GPHN: variants seen among roughly 807,000 people sequenced by gnomAD.
GPHN encodes gephyrin.
Under a neutral mutation model 95.5 loss-of-function variants are expected in GPHN, and 17 were observed. The observed-to-expected ratio is 0.18, with a 90% CI of 0.12 to 0.27. The LOEUF (loss-of-function observed/expected upper bound fraction) is 0.27. Among genes scored for constraint, GPHN ranks in the 10% least tolerant of loss-of-function variants. The pLI is 1.00. For missense variants in GPHN, 660 were observed against 978.1 expected (o/e 0.67, Z 4.34); for synonymous variants, 320 against 322.5 (o/e 0.99, Z 0.08).
At chr14:67,555,681 C>G in the GPHN span, 2 of 1,200,318 alleles carry the variant, frequency 1.7e-6, no homozygotes, top group Non-Finnish European at 2.3e-6. Context: ...AAAATCCTTA[C>G]CCTGACACTC....
the GPHN span, among the ~76,000 whole-genome samples, chr14:67,664,449 A>G: frequency 1.3e-5 from 2 of 151,984 alleles, no homozygotes; most frequent in East Asian, 1.9e-4. Context: ...GTATTTTTCA[A>G]TGTGACTCCT....
At chr14:66,847,976 A>G (rs1441745694) in intron 4 of GPHN, among the ~76,000 whole-genome samples, 3 of 152,078 alleles carry the variant, frequency 2.0e-5, no homozygotes, top group African/African-American at 7.2e-5. Context: ...CCCCAGAAAG[A>G]CTGTTTGGTG....
the GPHN span, chr14:67,254,182 C>CTTTTTTT: frequency 1.0e-4 from 12 of 118,488 alleles, no homozygotes; most frequent in Non-Finnish European, 1.7e-4. Flanking sequence ...AAGTGTCTTT[C>CTTTTTTT]TTTTTTTTTT....
At chr14:66,564,702 A>C (rs552875312) in intron 1 of GPHN, among the ~76,000 whole-genome samples, 1 of 152,262 alleles carries the variant, frequency 6.6e-6, no homozygotes, top group African/African-American at 2.4e-5. Flanking sequence ...CAAAAATATC[A>C]GTGGTTCCAG....
At chr14:67,301,322 C>A in the GPHN span, 1 of 855,960 alleles carries the variant, frequency 1.2e-6, no homozygotes. Flanking sequence ...AAAATATGAC[C>A]CTGCATACAG....
intron 10 of GPHN, among the ~76,000 whole-genome samples, chr14:67,042,250 A>G (rs1403656834): frequency 6.6e-6 from 1 of 151,908 alleles, no homozygotes; most frequent in Non-Finnish European, 1.5e-5. Flanking sequence ...CCATTTGTCA[A>G]TTTTGGCTTT....
At chr14:67,173,184 A>T (rs547802860) in intron 21 of GPHN, among the ~76,000 whole-genome samples, 20 of 152,192 alleles carry the variant, frequency 1.3e-4, no homozygotes, top group Non-Finnish European at 2.9e-5. Flanking sequence ...CAATGGGTTC[A>T]CAAGACCCTT....
the GPHN span, among the ~76,000 whole-genome samples, chr14:67,524,835 G>A: frequency 6.6e-6 from 1 of 152,172 alleles, no homozygotes; most frequent in Admixed American, 6.5e-5. Context: ...CCTCTGATCT[G>A]AACAGTGATC....
chr14:66,632,820 A>G (rs1049841504), intron 1 of GPHN, among the ~76,000 whole-genome samples: 1 of 152,160 alleles, frequency 6.6e-6, no homozygotes, highest in African/African-American at 2.4e-5. Context: ...TATTCCAGTC[A>G]GATGACTTTT....
the GPHN span, chr14:67,336,784 C>G: frequency 2.2e-6 from 1 of 455,782 alleles, no homozygotes; most frequent in Non-Finnish European, 4.4e-6. Flanking sequence ...TTTTAAAGTA[C>G]TTGTGAACTG....
chr14:67,142,572 A>T (rs994846758), intron 17 of GPHN, among the ~76,000 whole-genome samples: 1 of 152,206 alleles, frequency 6.6e-6, no homozygotes. Flanking sequence ...ATCCTATATG[A>T]GTAGTTCATA....
the GPHN span, among the ~76,000 whole-genome samples, chr14:67,450,662 C>T: frequency 6.6e-6 from 1 of 152,158 alleles, no homozygotes; most frequent in Non-Finnish European, 1.5e-5. Flanking sequence ...GAAGAAACTT[C>T]TAAGTAGCAA....
chr14:67,660,794 G>C, the GPHN span, among the ~76,000 whole-genome samples: 18 of 152,188 alleles, frequency 1.2e-4, no homozygotes, highest in Non-Finnish European at 4.4e-5. Flanking sequence ...TGAGTTTGGA[G>C]AAAACAAGTA....
intron 8 of GPHN, among the ~76,000 whole-genome samples, chr14:66,929,433 G>C (rs1419498420): frequency 6.6e-6 from 1 of 152,062 alleles, no homozygotes; most frequent in African/African-American, 2.4e-5. Context: ...GCATATTAGG[G>C]TCTGTCTCTC....
chr14:66,836,710 T>C (rs2061835916), intron 4 of GPHN, among the ~76,000 whole-genome samples: 1 of 149,636 alleles, frequency 6.7e-6, no homozygotes, highest in Non-Finnish European at 1.5e-5. Context: ...AAAGCACTAA[T>C]ATCCAGAATC....
At chr14:67,407,327 T>C in the GPHN span, among the ~76,000 whole-genome samples, 1 of 152,150 alleles carries the variant, frequency 6.6e-6, no homozygotes, top group African/African-American at 2.4e-5. Context: ...TTCACTATGT[T>C]GTCTAGGCTG....
chr14:67,471,672 C>A, the GPHN span: 1 of 152,286 alleles, frequency 6.6e-6, no homozygotes, highest in African/African-American at 2.4e-5. Context: ...CTGGACGGGG[C>A]TAACTGCAGA....
At chr14:67,645,091 TG>T in the GPHN span, among the ~76,000 whole-genome samples, 1 of 115,752 alleles carries the variant, frequency 8.6e-6, no homozygotes, top group African/African-American at 3.0e-5. Context: ...AGGTCTTTAA[TG>T]GTTTACCCTG....
intron 3 of GPHN, among the ~76,000 whole-genome samples, chr14:66,797,020 C>CTTTTTTTTTTTTT (rs2060180508): frequency 8.7e-6 from 1 of 114,806 alleles, no homozygotes; most frequent in African/African-American, 3.2e-5. Context: ...GTATCTAGTT[C>CTTTTTTTTTTTTT]CTTTTTTTTT....
Sources: gnomAD v4.1 joint callset for allele counts (sites outside exome capture counted in the v4.1 genomes callset) on GRCh38, gnomAD v4.1.1 for gene constraint, MANE v1.5 for transcripts, NCBI Gene and HGNC (gene_info 2026-07-23, HGNC 2026-07-21) for gene names.